The following ADAMTSL1 variants were observed in gnomAD, a reference collection of about 807,000 sequenced individuals.
ADAMTSL1 encodes ADAMTS like 1.
ADAMTSL1 carries 126 observed loss-of-function variants against 201.8 expected under a neutral mutation model. The ratio of observed to expected loss-of-function variants is 0.62; its 90% CI spans 0.54 to 0.72. The LOEUF (loss-of-function observed/expected upper bound fraction) is 0.72, where lower values mean the gene tolerates loss of function less well. ADAMTSL1 is among the 30% of genes least tolerant of loss of function. The pLI is 0.00. For missense variants in ADAMTSL1, 2,679 were observed against 2,277.8 expected (o/e 1.18, Z -3.59); for synonymous variants, 1,121 against 903.4 (o/e 1.24, Z -4.32).
intron 2 of ADAMTSL1, among the ~76,000 whole-genome samples, chr9:18,420,371 G>C (rs1818887485): frequency 6.6e-6 from 1 of 152,194 alleles, no homozygotes; most frequent in Non-Finnish European, 1.5e-5. Flanking sequence ...TTAGGAAATA[G>C]AAGTATATGT....
At chr9:18,822,845 T>A (rs77512148) in intron 21 of ADAMTSL1, among the ~76,000 whole-genome samples, 1 of 152,228 alleles carries the variant, frequency 6.6e-6, no homozygotes, top group African/African-American at 2.4e-5. Context: ...TACACTCCGA[T>A]GTTGAGGTAT....
chr9:18,134,625 C>T (rs1028296985), intron 1 of ADAMTSL1, among the ~76,000 whole-genome samples: 2 of 152,196 alleles, frequency 1.3e-5, no homozygotes, highest in African/African-American at 2.4e-5. Flanking sequence ...TGAAGAAGTA[C>T]TGTTCTATGT....
At chr9:18,886,456 G>A (rs1184885247) in intron 23 of ADAMTSL1, among the ~76,000 whole-genome samples, 1 of 151,996 alleles carries the variant, frequency 6.6e-6, no homozygotes, top group Non-Finnish European at 1.5e-5. Flanking sequence ...TCCACAGAGG[G>A]TAGCCGCCTG....
At chr9:18,867,288 C>A (rs1827591962) in intron 23 of ADAMTSL1, among the ~76,000 whole-genome samples, 1 of 152,134 alleles carries the variant, frequency 6.6e-6, no homozygotes, top group Non-Finnish European at 1.5e-5. Context: ...TTAAGTTGGA[C>A]AGATTATAAA....
At chr9:18,720,454 A>G (rs778169210) in intron 14 of ADAMTSL1, among the ~76,000 whole-genome samples, 1 of 152,218 alleles carries the variant, frequency 6.6e-6, no homozygotes, top group Non-Finnish European at 1.5e-5. Context: ...GGGCATCAAA[A>G]TGAAATGTCT....
chr9:18,504,948 G>A lies in ADAMTSL1; in HGVS notation c.183G>A (p.Leu61=), dbSNP rs1342658341. Residue 61 remains leucine (L), a synonymous_variant, in exon 2 of 29, where the codon CTG becomes CTA. Transcript: ENST00000380548. ...GGASYSLRRC[L]SSKSCEGRNI... ...CCTCCTACTCTCTGAGGCGCTGCCT[G>A]AGCAGCAAGTAAGTCCTGCACCCGT... is the stretch of plus-strand genomic sequence containing the variant. The A allele has an allele frequency of 3.5e-5, 57 of 1,608,206 alleles. No individual in the cohort carries two copies. Among genetic ancestry groups the A allele is most frequent in the Non-Finnish European group, 4.7e-5 (56 of 1,179,036 alleles).
At chr9:18,006,088 GA>G (rs949256805) in intron 1 of ADAMTSL1, among the ~76,000 whole-genome samples, 19 of 146,440 alleles carry the variant, frequency 1.3e-4, no homozygotes, top group African/African-American at 2.8e-4. Context: ...CACCACTCGG[GA>G]AAAAAAAAAG....
At chr9:18,631,630 T>C (rs2132739304) in intron 5 of ADAMTSL1, among the ~76,000 whole-genome samples, 1 of 152,286 alleles carries the variant, frequency 6.6e-6, no homozygotes, top group Admixed American at 6.5e-5. Context: ...CAAAATATTA[T>C]CCTCATCACC....
At chr9:18,310,050 G>T (rs1020156384) in intron 2 of ADAMTSL1, among the ~76,000 whole-genome samples, 1 of 152,026 alleles carries the variant, frequency 6.6e-6, no homozygotes, top group Admixed American at 6.5e-5. Context: ...ACAACCATCT[G>T]ATCTTTAACA....
chr9:18,546,553 A>G (rs1008945715), intron 3 of ADAMTSL1, among the ~76,000 whole-genome samples: 4 of 152,184 alleles, frequency 2.6e-5, no homozygotes, highest in African/African-American at 7.2e-5. Context: ...ATTACCAAAA[A>G]AACTTATTCC....
At chr9:18,280,317 C>A (rs1034573631) in intron 2 of ADAMTSL1, among the ~76,000 whole-genome samples, 1 of 151,788 alleles carries the variant, frequency 6.6e-6, no homozygotes, top group Non-Finnish European at 1.5e-5. Flanking sequence ...TGACCTGGAA[C>A]CTAGGGCCTA....
chr9:18,039,392 C>T (rs1821341259), intron 1 of ADAMTSL1, among the ~76,000 whole-genome samples: 1 of 151,878 alleles, frequency 6.6e-6, no homozygotes, highest in Non-Finnish European at 1.5e-5. Context: ...CTACAGGTGA[C>T]TGTTTTTAAA....
chr9:18,614,349 T>TGGTATCTTATAGACTAGAGA (rs1564090258), intron 4 of ADAMTSL1, among the ~76,000 whole-genome samples: 1 of 152,152 alleles, frequency 6.6e-6, no homozygotes, highest in Non-Finnish European at 1.5e-5. Context: ...AGATGCTCAT[T>TGGTATCTTATAGACTAGAGA]GATGACACAG....
At chr9:18,848,436 C>G (rs1049993063) in intron 23 of ADAMTSL1, among the ~76,000 whole-genome samples, 6 of 152,182 alleles carry the variant, frequency 3.9e-5, no homozygotes, top group African/African-American at 1.4e-4. Context: ...TCAGACCTAG[C>G]CTTTACATCC....
chr9:17,995,484 G>A (rs1819334941), intron 1 of ADAMTSL1, among the ~76,000 whole-genome samples: 1 of 151,942 alleles, frequency 6.6e-6, no homozygotes, highest in East Asian at 1.9e-4. Context: ...GGAGGAAATT[G>A]CATTTTTTGG....
At chr9:18,204,261 C>T (rs947327165) in intron 2 of ADAMTSL1, among the ~76,000 whole-genome samples, 3 of 152,032 alleles carry the variant, frequency 2.0e-5, no homozygotes, top group African/African-American at 4.8e-5. Flanking sequence ...GGGGTGGTTT[C>T]CCTCATGCTG....
intron 2 of ADAMTSL1, among the ~76,000 whole-genome samples, chr9:18,333,137 GATT>G (rs967713998): frequency 2.3e-4 from 35 of 152,154 alleles, no homozygotes; most frequent in Non-Finnish European, 4.1e-4. Context: ...CTTCAGGTGT[GATT>G]ATTATTTTTA....
At chr9:18,215,372 A>G (rs1374273325) in intron 2 of ADAMTSL1, among the ~76,000 whole-genome samples, 1 of 152,220 alleles carries the variant, frequency 6.6e-6, no homozygotes, top group Non-Finnish European at 1.5e-5. Context: ...GAAAACCTTA[A>G]CTATAATAAC....
intron 9 of ADAMTSL1, among the ~76,000 whole-genome samples, chr9:18,665,557 A>G (rs1352002841): frequency 6.6e-6 from 1 of 152,130 alleles, no homozygotes; most frequent in Non-Finnish European, 1.5e-5. Flanking sequence ...AATTGTCTCA[A>G]ATCAACAGAG....
Sources: allele counts gnomAD v4.1 joint callset (sites outside exome capture counted in the v4.1 genomes callset), GRCh38; gene constraint gnomAD v4.1.1; transcripts MANE v1.5; gene names NCBI Gene and HGNC (gene_info 2026-07-23, HGNC 2026-07-21).